The following CLASP1 variants were observed in gnomAD, a reference collection of about 807,000 sequenced individuals.
CLASP1 encodes cytoplasmic linker associated protein 1, also known as CLIP-associating protein 1.
In CLASP1, 38 loss-of-function variants were observed where a neutral mutation model predicts 192.3. The observed-to-expected ratio is 0.20, with a 90% CI of 0.15 to 0.26. CLASP1 has a LOEUF of 0.26. Ranked by LOEUF, CLASP1 falls within the 10% of genes least tolerant of loss-of-function variation. CLASP1 has a pLI of 1.00. For synonymous variants in CLASP1, 691 were observed against 712.8 expected (o/e 0.97, Z 0.49); for missense variants, 1,433 against 1,932.5 (o/e 0.74, Z 4.85).
At chr2:121,475,060 A>G (rs954625211) in intron 8 of CLASP1, among the ~76,000 whole-genome samples, 1 of 152,212 alleles carries the variant, frequency 6.6e-6, no homozygotes, top group Admixed American at 6.5e-5. Context: ...GTCAAATCAC[A>G]TCTATACAAT....
chr2:121,382,279 A>G, exon 33 of CLASP1: 1 of 1,602,692 alleles, frequency 6.2e-7, no homozygotes, highest in Non-Finnish European at 8.5e-7. Context: ...GAGAAAAGGG[A>G]GGTGGGTGCT....
At chr2:121,528,730 C>T (rs1313185796) in exon 4 of CLASP1, 1 of 1,613,894 alleles carries the variant, frequency 6.2e-7, no homozygotes, top group African/African-American at 1.3e-5. Flanking sequence ...TGGTCCTGCT[C>T]CCTCACAGAG....
chr2:121,540,969 A>G (rs2095220624), intron 2 of CLASP1, among the ~76,000 whole-genome samples: 2 of 152,356 alleles, frequency 1.3e-5, no homozygotes, highest in Non-Finnish European at 2.9e-5. Flanking sequence ...AACAGCTATT[A>G]GCTTTAAAAT....
exon 38 of CLASP1, chr2:121,348,707 C>T (rs761653847): frequency 1.2e-5 from 20 of 1,604,504 alleles, no homozygotes; most frequent in African/African-American, 2.7e-5. Context: ...CCTCCTCAGC[C>T]GCTCTCACCA....
intron 6 of CLASP1, among the ~76,000 whole-genome samples, chr2:121,517,994 G>C (rs1407088250): frequency 6.8e-6 from 1 of 146,842 alleles, no homozygotes; most frequent in East Asian, 2.0e-4. Context: ...GTTCAGGCAA[G>C]TTCAAGTTCA....
intron 24 of CLASP1, among the ~76,000 whole-genome samples, chr2:121,410,235 C>T (rs1035182027): frequency 3.3e-5 from 5 of 152,140 alleles, no homozygotes; most frequent in African/African-American, 1.2e-4. Flanking sequence ...AAAAAGCAAT[C>T]TGACCACAAG....
chr2:121,523,702 A>G (rs1204416921), intron 6 of CLASP1, among the ~76,000 whole-genome samples: 1 of 152,216 alleles, frequency 6.6e-6, no homozygotes, highest in East Asian at 1.9e-4. Flanking sequence ...ATCAGTGAAG[A>G]GCCCTAGGAC....
intron 37 of CLASP1, among the ~76,000 whole-genome samples, chr2:121,361,219 G>A (rs1330102272): frequency 6.6e-6 from 1 of 152,196 alleles, no homozygotes; most frequent in East Asian, 1.9e-4. Context: ...CAGCTACTCA[G>A]GGGGCTAAGG....
At chr2:121,571,453 T>C (rs2059967200) in intron 2 of CLASP1, among the ~76,000 whole-genome samples, 1 of 152,226 alleles carries the variant, frequency 6.6e-6, no homozygotes. Context: ...TGGGTACTGC[T>C]GTGCAAGCAA....
chr2:121,536,387 A>G (rs1332563498), intron 2 of CLASP1, among the ~76,000 whole-genome samples: 2 of 139,800 alleles, frequency 1.4e-5, no homozygotes, highest in Non-Finnish European at 3.2e-5. Flanking sequence ...TGAAAAAAAA[A>G]AAAAAAAAAA....
At chr2:121,525,884 C>T (rs1415782487) in exon 6 of CLASP1, 1 of 1,613,592 alleles carries the variant, frequency 6.2e-7, no homozygotes, top group Non-Finnish European at 8.5e-7. Flanking sequence ...ATATATGTGG[C>T]ACAATCTTGC....
At chr2:121,348,800 G>A in intron 37 of CLASP1, 82 bp from the exon 39 acceptor site, 1 of 1,268,776 alleles carries the variant, frequency 7.9e-7, no homozygotes, top group Non-Finnish European at 1.1e-6. Context: ...GATTTCAGAG[G>A]CCAAAGGACA....
chr2:121,425,075 T>C, intron 22 of CLASP1, 64 bp downstream of exon 22: 1 of 1,442,242 alleles, frequency 6.9e-7, no homozygotes. Context: ...ACATAGTCAT[T>C]AGATTATAAT....
chr2:121,473,357 G>A (rs1177433722), intron 8 of CLASP1, among the ~76,000 whole-genome samples: 1 of 151,938 alleles, frequency 6.6e-6, no homozygotes, highest in Non-Finnish European at 1.5e-5. Flanking sequence ...AGACATTGTA[G>A]AAGTAAAGAA....
intron 28 of CLASP1, among the ~76,000 whole-genome samples, chr2:121,400,592 G>C (rs1004088099): frequency 6.6e-6 from 1 of 152,218 alleles, no homozygotes; most frequent in Non-Finnish European, 1.5e-5. Flanking sequence ...ACAGACAACA[G>C]TGCAATCTTC....
At chr2:121,363,086 C>A in intron 37 of CLASP1, 86 bp downstream of exon 38, 1 of 1,536,904 alleles carries the variant, frequency 6.5e-7, no homozygotes, top group Non-Finnish European at 8.9e-7. Flanking sequence ...TTAAGCTGTG[C>A]ACTGATTCTG....
intron 19 of CLASP1, among the ~76,000 whole-genome samples, chr2:121,442,362 CATAA>C (rs2149736804): frequency 6.6e-6 from 1 of 152,188 alleles, no homozygotes; most frequent in East Asian, 1.9e-4. Context: ...TCTAATTAGT[CATAA>C]ATGTTAGGAT....
chr2:121,435,927 G>A (rs2082221183), intron 19 of CLASP1, among the ~76,000 whole-genome samples: 1 of 151,522 alleles, frequency 6.6e-6, no homozygotes. Flanking sequence ...TTCCTATTCA[G>A]ACTATTCAGA....
chr2:121,630,382 AC>A (rs1330333452), intron 1 of CLASP1, among the ~76,000 whole-genome samples: 38 of 464 alleles, frequency 0.082, no homozygotes, highest in African/African-American at 0.17. Context: ...TTGGAAAGAA[AC>A]ACACACACAC....
Sources: allele counts gnomAD v4.1 joint callset (sites outside exome capture counted in the v4.1 genomes callset), GRCh38; gene constraint gnomAD v4.1.1; transcripts MANE v1.5; gene names NCBI Gene and HGNC (gene_info 2026-07-23, HGNC 2026-07-21).